The following AUTS2 variants were observed in gnomAD, a reference collection of about 807,000 sequenced individuals.
AUTS2 encodes activator of transcription and developmental regulator AUTS2, also known as autism susceptibility gene 2 protein.
AUTS2 carries 17 observed loss-of-function variants against 112.4 expected under a neutral mutation model. The ratio of observed to expected loss-of-function variants is 0.15; its 90% confidence interval spans 0.10 to 0.23. The LOEUF is 0.23. Among genes scored for constraint, AUTS2 ranks in the 10% least tolerant of loss-of-function variants. AUTS2 has a pLI of 1.00. For missense variants in AUTS2, 1,510 were observed against 1,701.6 expected (o/e 0.89, Z 1.98); for synonymous variants, 751 against 702.7 (o/e 1.07, Z -1.09).
At chr7:70,668,347 T>G (rs1173794286) in intron 5 of AUTS2, among the ~76,000 whole-genome samples, 6 of 152,278 alleles carry the variant, frequency 3.9e-5, no homozygotes, top group Non-Finnish European at 8.8e-5. Flanking sequence ...CATCTTTGAG[T>G]GGCAACGTTG....
At chr7:70,717,867 C>T (rs1304972681) in intron 6 of AUTS2, among the ~76,000 whole-genome samples, 1 of 152,148 alleles carries the variant, frequency 6.6e-6, no homozygotes, top group Non-Finnish European at 1.5e-5. Flanking sequence ...ATTTTAAAGG[C>T]ATCCTCACCA....
chr7:70,659,220 C>T (rs1284768083), intron 5 of AUTS2, among the ~76,000 whole-genome samples: 4 of 152,182 alleles, frequency 2.6e-5, no homozygotes, highest in Non-Finnish European at 4.4e-5. Context: ...TGAATTCCCG[C>T]GGCCCTTGCA....
At chr7:70,489,188 CAT>C (rs927573304) in intron 5 of AUTS2, among the ~76,000 whole-genome samples, 2 of 152,184 alleles carry the variant, frequency 1.3e-5, no homozygotes, top group African/African-American at 4.8e-5. Context: ...ATTCTCAAAA[CAT>C]AGTACAAATT....
At chr7:70,125,244 G>GGT (rs1562718360) in intron 3 of AUTS2, among the ~76,000 whole-genome samples, 14 of 123,114 alleles carry the variant, frequency 1.1e-4, no homozygotes, top group Non-Finnish European at 2.4e-4. Flanking sequence ...GTTATTTGGA[G>GGT]ATGTGTGTGT....
chr7:69,927,944 C>T (rs1432717504), intron 2 of AUTS2, among the ~76,000 whole-genome samples: 1 of 152,222 alleles, frequency 6.6e-6, no homozygotes, highest in African/African-American at 2.4e-5. Flanking sequence ...TTTTCATTGC[C>T]TGTGGTGGTG....
At chr7:69,676,926 G>A (rs183655741) in intron 1 of AUTS2, among the ~76,000 whole-genome samples, 2 of 151,714 alleles carry the variant, frequency 1.3e-5, no homozygotes, top group Admixed American at 6.6e-5. Flanking sequence ...TGTTTCATAT[G>A]TAGATGCTTT....
chr7:70,577,442 C>G (rs961963154), intron 5 of AUTS2, among the ~76,000 whole-genome samples: 1 of 152,180 alleles, frequency 6.6e-6, no homozygotes, highest in African/African-American at 2.4e-5. Flanking sequence ...TACCCTAAAT[C>G]CTTTTGGTCC....
intron 4 of AUTS2, among the ~76,000 whole-genome samples, chr7:70,375,496 G>GA (rs1421128332): frequency 6.6e-6 from 1 of 152,210 alleles, no homozygotes; most frequent in African/African-American, 2.4e-5. Flanking sequence ...TAGGTAGTAT[G>GA]GAATGCAAGA....
chr7:69,938,374 G>A (rs946568893), intron 2 of AUTS2, among the ~76,000 whole-genome samples: 1 of 152,232 alleles, frequency 6.6e-6, no homozygotes, highest in East Asian at 1.9e-4. Flanking sequence ...TGACTCTTGC[G>A]GGCTATATGG....
intron 2 of AUTS2, among the ~76,000 whole-genome samples, chr7:70,013,755 G>A (rs1799906264): frequency 6.6e-6 from 1 of 152,260 alleles, no homozygotes; most frequent in South Asian, 2.1e-4. Context: ...GTCTCTCTCT[G>A]TCACCAGGCT....
chr7:70,281,403 C>T (rs1466926473), intron 4 of AUTS2, among the ~76,000 whole-genome samples: 1 of 152,154 alleles, frequency 6.6e-6, no homozygotes, highest in Non-Finnish European at 1.5e-5. Context: ...CACAGCTTGG[C>T]CCAGTGGAGG....
chr7:69,763,838 G>A (rs1198646976), intron 1 of AUTS2, among the ~76,000 whole-genome samples: 1 of 152,092 alleles, frequency 6.6e-6, no homozygotes, highest in East Asian at 1.9e-4. Context: ...TTAACTATAC[G>A]GATGTATTTA....
At chr7:70,184,004 A>G (rs922139062) in intron 4 of AUTS2, among the ~76,000 whole-genome samples, 1 of 152,084 alleles carries the variant, frequency 6.6e-6, no homozygotes. Flanking sequence ...GGAGGTATCT[A>G]TTGTAGTTTG....
chr7:70,212,702 AT>A (rs1162579523), intron 4 of AUTS2, among the ~76,000 whole-genome samples: 1 of 151,858 alleles, frequency 6.6e-6, no homozygotes, highest in Non-Finnish European at 1.5e-5. Context: ...AAAAAAAAAA[AT>A]GTATGTTGAA....
intron 4 of AUTS2, among the ~76,000 whole-genome samples, chr7:70,250,733 G>A (rs1786548305): frequency 6.6e-6 from 1 of 152,070 alleles, no homozygotes; most frequent in African/African-American, 2.4e-5. Context: ...CAGAGGTAGA[G>A]GTCACCATCC....
chr7:70,728,811 C>G (rs1787187283), intron 6 of AUTS2, among the ~76,000 whole-genome samples: 2 of 151,488 alleles, frequency 1.3e-5, no homozygotes, highest in Non-Finnish European at 2.9e-5. Context: ...GAGAGAAATT[C>G]ACATCTTGTA....
intron 2 of AUTS2, among the ~76,000 whole-genome samples, chr7:69,942,264 T>G (rs1308041961): frequency 6.6e-6 from 1 of 152,160 alleles, no homozygotes; most frequent in Non-Finnish European, 1.5e-5. Flanking sequence ...ACCTGACATA[T>G]TGTGGGCACT....
intron 5 of AUTS2, among the ~76,000 whole-genome samples, chr7:70,657,789 G>A (rs563614714): frequency 6.6e-6 from 1 of 152,192 alleles, no homozygotes; most frequent in African/African-American, 2.4e-5. Context: ...CAAGTCATCC[G>A]CATCGTACTT....
At chr7:69,690,665 C>G (rs1797296904) in intron 1 of AUTS2, among the ~76,000 whole-genome samples, 1 of 152,182 alleles carries the variant, frequency 6.6e-6, no homozygotes, top group Non-Finnish European at 1.5e-5. Context: ...TTGGAGACTC[C>G]AGGAACCACA....
Sources: allele counts gnomAD v4.1 joint callset (sites outside exome capture counted in the v4.1 genomes callset), GRCh38; gene constraint gnomAD v4.1.1; transcripts MANE v1.5; gene names NCBI Gene and HGNC (gene_info 2026-07-23, HGNC 2026-07-21).